Variants in MAD1L1 observed in about 807,000 individuals in gnomAD.
MAD1L1 encodes the protein mitotic arrest deficient 1 like 1, also known as mitotic spindle assembly checkpoint protein MAD1.
A neutral mutation model predicts 96.9 loss-of-function variants in MAD1L1; 95 were observed. The observed-to-expected ratio is 0.98, with a 90% CI of 0.83 to 1.16. The LOEUF (loss-of-function observed/expected upper bound fraction) is 1.16, where lower values mean the gene tolerates loss of function less well. Among genes scored for constraint, MAD1L1 ranks in the 50% most tolerant of loss-of-function variants. The probability of loss-of-function intolerance (pLI) is 0.00; values close to 1 mark genes in which losing one functional copy is unlikely to be tolerated. For missense variants in MAD1L1, 1,007 were observed against 954.4 expected, an observed-to-expected ratio of 1.06 and a Z score of -0.73; for synonymous variants, 473 against 396.6, an observed-to-expected ratio of 1.19 and a Z score of -2.29.
Position 1,945,640 on chromosome 7 carries a change from C to T in MAD1L1, c.1597-8743G>A, listed in dbSNP as rs190586392. ...GCCATCTGCAGACGCCATGGGGTGC[C>T]GGGCCCGGCCAGTGCTCTGTGAGCC... is the stretch of plus-strand genomic sequence containing the variant. On this transcript the variant is annotated intron_variant, in intron 16 of 18. Coordinates refer to ENST00000265854, the MANE Select transcript of MAD1L1 (RefSeq NM_001013836.2). Among the ~76,000 whole-genome samples the T allele has an allele frequency of 3.5e-3, 532 of 152,260 alleles. 11 individuals are homozygous for T. Among genetic ancestry groups the T allele is most frequent in the Admixed American group, 0.031 (467 of 15,308 alleles).
chr7:1,949,118 G>T (rs1391768706), intron 16 of MAD1L1, among the ~76,000 whole-genome samples: 1 of 152,066 alleles, frequency 6.6e-6, no homozygotes, highest in Non-Finnish European at 1.5e-5. Context: ...AGGCTCCAGG[G>T]TGGCTCTCCT....
chr7:1,829,136 C>T (rs1380823290), intron 18 of MAD1L1, among the ~76,000 whole-genome samples: 2 of 152,258 alleles, frequency 1.3e-5, no homozygotes, highest in African/African-American at 2.4e-5. Flanking sequence ...TGGCCTGACA[C>T]GTAGGGCAGG....
intron 11 of MAD1L1, among the ~76,000 whole-genome samples, chr7:2,081,841 G>A (rs1785666428): frequency 6.6e-6 from 1 of 152,258 alleles, no homozygotes; most frequent in South Asian, 2.1e-4. Context: ...GTCAGGGTGG[G>A]GAGGCTGGGC....
intron 18 of MAD1L1, among the ~76,000 whole-genome samples, chr7:1,832,913 T>G (rs1396506979): frequency 6.6e-6 from 1 of 152,074 alleles, no homozygotes; most frequent in Non-Finnish European, 1.5e-5. Flanking sequence ...ATTACAGGCT[T>G]GAGCCACAGC....
In MAD1L1 at chr7:1,898,309, C is replaced by T. The variant is rs776471145; in HGVS notation, c.1889G>A (p.Arg630His). ...EVFQTKIQEF[R>H]KACYTLTGYQ... ...GCCGGTGAGCGTGTAGCAGGCCTTG[C>T]GGAACTCCTGGATCTTGGTCTGGAA... Residue 630 changes from arginine to histidine, a missense_variant, in exon 18 of 19, where the codon CGC (arginine) becomes CAC (histidine). Transcript: ENST00000265854. 19 of 1,613,972 alleles carry T rather than the reference C, an allele frequency of 1.2e-5. No individual in the cohort carries two copies. The highest frequency in any genetic ancestry group is 1.6e-4 in the Middle Eastern group (1 of 6,062).
At chr7:2,177,581 C>T (rs1394451869) in intron 10 of MAD1L1, among the ~76,000 whole-genome samples, 3 of 152,158 alleles carry the variant, frequency 2.0e-5, no homozygotes, top group Non-Finnish European at 4.4e-5. Context: ...GCCTTTTTAT[C>T]TTTGTTTTGG....
intron 14 of MAD1L1, among the ~76,000 whole-genome samples, chr7:1,986,024 C>T (rs968459322): frequency 1.3e-5 from 2 of 152,172 alleles, no homozygotes; most frequent in Non-Finnish European, 2.9e-5. Context: ...TTCTCCTTTG[C>T]TCTAACACAA....
intron 10 of MAD1L1, among the ~76,000 whole-genome samples, chr7:2,176,159 C>T (rs1584486499): frequency 6.6e-6 from 1 of 152,214 alleles, no homozygotes; most frequent in East Asian, 1.9e-4. Context: ...ACCAGCCTGG[C>T]CAACATGCCA....
intron 12 of MAD1L1, among the ~76,000 whole-genome samples, chr7:2,063,602 T>G (rs1784756059): frequency 6.6e-6 from 1 of 152,178 alleles, no homozygotes; most frequent in Non-Finnish European, 1.5e-5. Context: ...ATGCATCAGG[T>G]GTGTCTCCAC....
intron 18 of MAD1L1, among the ~76,000 whole-genome samples, chr7:1,853,535 A>T (rs570635798): frequency 6.6e-6 from 1 of 152,262 alleles, no homozygotes; most frequent in Non-Finnish European, 1.5e-5. Context: ...ACCTTATGCC[A>T]TGCTTCCTTG....
At chr7:1,982,587 C>T (rs1012950533) in intron 14 of MAD1L1, among the ~76,000 whole-genome samples, 5 of 152,160 alleles carry the variant, frequency 3.3e-5, no homozygotes, top group Admixed American at 6.5e-5. Flanking sequence ...AAATTCCGAC[C>T]GACAGCAGCA....
At chr7:2,194,435 C>G (rs1465819837) in intron 10 of MAD1L1, among the ~76,000 whole-genome samples, 1 of 152,222 alleles carries the variant, frequency 6.6e-6, no homozygotes, top group East Asian at 1.9e-4. Context: ...AGCTTTTGCA[C>G]TAAAATCAGT....
At chr7:1,909,277 G>C (rs891430035) in intron 17 of MAD1L1, among the ~76,000 whole-genome samples, 1 of 152,240 alleles carries the variant, frequency 6.6e-6, no homozygotes, top group African/African-American at 2.4e-5. Context: ...TCCCTGCAGA[G>C]AGTACTCTGG....
At chr7:1,999,474 G>T (rs73043509) in intron 14 of MAD1L1, among the ~76,000 whole-genome samples, 1 of 152,106 alleles carries the variant, frequency 6.6e-6, no homozygotes, top group African/African-American at 2.4e-5. Context: ...TGTGTCTGCT[G>T]GGAAGCACCT....
intron 13 of MAD1L1, among the ~76,000 whole-genome samples, chr7:2,006,496 A>G (rs73043526): frequency 0.035 from 5,258 of 152,214 alleles, 192 homozygotes; most frequent in Admixed American, 0.097. Flanking sequence ...TGTTCCAAGA[A>G]CACAGCTAAA....
intron 17 of MAD1L1, among the ~76,000 whole-genome samples, chr7:1,918,067 C>T (rs917428398): frequency 2.0e-5 from 3 of 152,184 alleles, no homozygotes; most frequent in African/African-American, 4.8e-5. Context: ...ACCTCGCAGA[C>T]CAGCACCTCT....
At chr7:1,818,499 C>T (rs1781946564) in intron 18 of MAD1L1, among the ~76,000 whole-genome samples, 1 of 152,084 alleles carries the variant, frequency 6.6e-6, no homozygotes, top group South Asian at 2.1e-4. Flanking sequence ...CCACCTCAGC[C>T]TCCTGAGCAG....
intron 9 of MAD1L1, 104 bp from the exon 10 acceptor site, chr7:2,213,377 G>A (rs1458473589): frequency 1.0e-5 from 11 of 1,060,064 alleles, no homozygotes; most frequent in Admixed American, 1.8e-5. Flanking sequence ...CCTCTCAGGA[G>A]AGCCTGCCCT....
intron 12 of MAD1L1, among the ~76,000 whole-genome samples, chr7:2,063,773 G>A (rs1170486708): frequency 1.3e-5 from 2 of 152,294 alleles, no homozygotes; most frequent in South Asian, 2.1e-4. Flanking sequence ...GCCAGGGTGC[G>A]GCCACCAGAA....
Sources: gnomAD v4.1 joint callset for allele counts (sites outside exome capture counted in the v4.1 genomes callset) on GRCh38, gnomAD v4.1.1 for gene constraint, MANE v1.5 for transcripts, NCBI Gene and HGNC (gene_info 2026-07-23, HGNC 2026-07-21) for gene names.